The following NLRP3 variants were observed in gnomAD, a reference collection of about 807,000 sequenced individuals.
NLRP3 encodes NACHT, LRR and PYD domains-containing protein 3.
NLRP3 carries 48 observed loss-of-function variants against 91.3 expected under a neutral mutation model. That is an observed-to-expected ratio of 0.53 (90% confidence interval 0.42 to 0.67). The LOEUF is 0.67. Among genes scored for constraint, NLRP3 ranks in the 30% least tolerant of loss-of-function variants. The pLI is 0.00. For synonymous variants in NLRP3, 561 were observed against 507.9 expected (o/e 1.10, Z -1.41); for missense variants, 982 against 1,276.9 (o/e 0.77, Z 3.52).
intron 7 of NLRP3, among the ~76,000 whole-genome samples, chr1:247,442,243 G>C (rs114936541): frequency 0.022 from 3,414 of 152,258 alleles, 125 homozygotes; most frequent in African/African-American, 0.077. Context: ...CTGGTCATCT[G>C]TTCATGCTTT....
intron 9 of NLRP3, among the ~76,000 whole-genome samples, chr1:247,445,907 T>G (rs1226449197): frequency 1.3e-5 from 2 of 152,218 alleles, no homozygotes; most frequent in Non-Finnish European, 2.9e-5. Context: ...TCATGATATG[T>G]GTGCTGTGGC....
intron 4 of NLRP3, among the ~76,000 whole-genome samples, chr1:247,429,026 G>T: frequency 6.6e-6 from 1 of 151,834 alleles, no homozygotes. Context: ...CCTAATAGCT[G>T]GGATGACAGG....
Position 247,429,631 on chromosome 1 carries a change from T to G in NLRP3, c.2197T>G (p.Ser733Ala). 6.2e-7 allele frequency: 1 copy of G among 1,614,196 alleles called. No homozygotes were observed. The highest frequency in any genetic ancestry group is 8.5e-7 in the Non-Finnish European group (1 of 1,180,022). The change falls in exon 5 of 10, where the codon TCA (serine) becomes GCA (alanine). Residue 733 changes from serine (S) to alanine (A), a missense_variant. Physicochemically the swap from Ser to Ala is moderately conservative, Grantham distance 99. Coordinates refer to ENST00000336119, the MANE Select transcript of NLRP3 (RefSeq NM_001243133.2). The part of the protein sequence containing the change: ...LTSSFCRGLF[S>A]VLSTSQSLTE... Reference sequence around the variant, plus strand: ...TTCCAGTTTTTGCCGGGGCCTCTTTTCAGTTCTGAGCACCAGCCAGAGTCT... The same window carrying G: ...TTCCAGTTTTTGCCGGGGCCTCTTTGCAGTTCTGAGCACCAGCCAGAGTCT...
In NLRP3 at chr1:247,448,441, T is replaced by C. The variant is rs1057515489; in HGVS notation, c.3042T>C (p.Ser1014=). The C allele has an allele frequency of 6.2e-7, 1 of 1,613,478 alleles. No homozygotes were observed. The highest frequency in any genetic ancestry group is 8.5e-7 in the Non-Finnish European group (1 of 1,179,424). The change falls in exon 10 of 10, where the codon AGT becomes AGC. Residue 1014 remains serine, a synonymous_variant. Transcript: ENST00000336119. ...TGTATTTCAATTATGAGACAAAAAGTGCGTTAGAAACACTTCAAGAAGAAA... is the reference window on the plus strand; with the variant it reads ...TGTATTTCAATTATGAGACAAAAAGCGCGTTAGAAACACTTCAAGAAGAAA... ...SEMYFNYETK[S]ALETLQEEKP...
rs770791406 is a variant in NLRP3, at chr1:247,429,707, T to C, written c.2273T>C (p.Val758Ala). Residue 758 changes from valine to alanine, a missense_variant, in exon 5 of 10, where the codon GTG becomes GCG. Around this residue, in one of 5 missense-constraint regions of NLRP3, gnomAD observed 373 missense variants for 431.5 expected, o/e 0.86. Coordinates refer to ENST00000336119, the MANE Select transcript of NLRP3 (RefSeq NM_001243133.2). ...DNSLGDPGMR[V>A]LCETLQHPGC... The stretch of plus-strand genomic sequence containing the variant: ...TCTCTGGGGGACCCAGGGATGAGAG[T>C]GTTGTGTGAAACGCTCCAGCATCCT... 17 of 1,613,750 alleles carry C rather than the reference T, an allele frequency of 1.1e-5. No individual in the cohort carries two copies. The Admixed American group carries it at 2.8e-4, about 27-fold the overall frequency.
rs765108346 is a variant in NLRP3 at position 247,425,603 on chromosome 1, A to G, written c.2150+4A>G. 6 of 1,603,606 alleles carry G rather than the reference A, an allele frequency of 3.7e-6. No homozygotes were observed. The East Asian group carries it at 8.9e-5, about 24-fold the overall frequency. On this transcript the variant is annotated splice_donor_region_variant and intron_variant, in intron 4 of 9. Coordinates refer to ENST00000336119, the MANE Select transcript of NLRP3 (RefSeq NM_001243133.2). The surrounding 1 kb of genome is among the most constrained non-coding windows in gnomAD (Gnocchi z 4.1). ...CTCATGCTGCCTGTTCTCATGGGTA[A>G]GGAAACTCGGCTTCCAGGTGCTTCC...
At chr1:247,447,763 T>C (rs954180836) in intron 9 of NLRP3, among the ~76,000 whole-genome samples, 2 of 152,222 alleles carry the variant, frequency 1.3e-5, no homozygotes, top group African/African-American at 4.8e-5. Flanking sequence ...AGTGACATTG[T>C]AATTATATTT....
At chr1:247,435,674 G>A (rs1037083544) in intron 6 of NLRP3, among the ~76,000 whole-genome samples, 1 of 152,138 alleles carries the variant, frequency 6.6e-6, no homozygotes, top group Admixed American at 6.5e-5. Flanking sequence ...AGTGCTTAAG[G>A]CCATTAATTG....
At chr1:247,443,575 AG>A (rs60823583) in intron 7 of NLRP3, among the ~76,000 whole-genome samples, 53,563 of 146,704 alleles carry the variant, frequency 0.37, 10,251 homozygotes, top group Middle Eastern at 0.56. Flanking sequence ...AAAAAAAAAA[AG>A]GCCCCTGCAG....
At chr1:247,441,159 CTTT>C (rs1399547887) in intron 7 of NLRP3, among the ~76,000 whole-genome samples, 1 of 140,890 alleles carries the variant, frequency 7.1e-6, no homozygotes, top group Non-Finnish European at 1.5e-5. Context: ...CTCTCTCTCT[CTTT>C]CTTTCTTTCT....
intron 9 of NLRP3, among the ~76,000 whole-genome samples, chr1:247,448,025 T>TC (rs1365873291): frequency 3.3e-5 from 5 of 150,988 alleles, no homozygotes; most frequent in African/African-American, 4.9e-5. Flanking sequence ...TTTTTTTTTT[T>TC]CCCCACATTT....
At position 247,419,164 on chromosome 1, in the gene NLRP3, A is replaced by ATATTTTTT. The variant is rs1491303088; in HGVS notation, c.277+88_277+89insATTTTTTT. ...CATCTTTATATATATATATATATAT[A>ATATTTTTT]TTTTTTTTTGAGACGGAGTTGCTCT... On this transcript the variant is annotated intron_variant, in intron 2 of 9. Transcript: ENST00000336119. The ATATTTTTT allele has an allele frequency of 8.7e-6, 6 of 692,532 alleles. No homozygotes were observed. In the African/African-American group the frequency reaches 1.1e-4, roughly 12 times the overall value. 42.9% of individuals were successfully genotyped at this position (692,532 alleles called of 1,614,324 possible). A position where few individuals can be genotyped will look rare whatever the true frequency, so the allele number is the denominator to read the frequency against.
chr1:247,424,329 A>G lies in NLRP3; in HGVS notation c.880A>G (p.Arg294Gly), dbSNP rs752918797. The change falls in exon 4 of 10, where the codon AGA becomes GGA. Residue 294 changes from arginine to glycine, a missense_variant. Arg to Gly is a moderately radical substitution (Grantham distance 125). Coordinates refer to ENST00000336119, the MANE Select transcript of NLRP3 (RefSeq NM_001243133.2). This position sits in a 1 kb window ranked among gnomAD's most constrained non-coding sequence, Gnocchi z 8.1. ...CCACAAGATCGTGAGAAAACCCTCCAGAATCCTCTTCCTCATGGACGGCTT... is the reference window on the plus strand; with the variant it reads ...CCACAAGATCGTGAGAAAACCCTCCGGAATCCTCTTCCTCATGGACGGCTT... ...PIHKIVRKPS[R>G]ILFLMDGFDE... The G allele has an allele frequency of 3.1e-6, 5 of 1,613,012 alleles. No homozygotes were observed. In the African/African-American group the frequency reaches 5.4e-5, roughly 17 times the overall value.
rs1398836244 is a variant in NLRP3, at chr1:247,425,919, T to A, written c.2150+320T>A. ...ATTTCTTGTAAGCTACTTGGAGCAC[T>A]AGTGCCTAAGAGTCAGTCAATGTCT... On this transcript the variant is annotated intron_variant, in intron 4 of 9. Transcript: ENST00000336119. The surrounding 1 kb of genome is among the most constrained non-coding windows in gnomAD (Gnocchi z 4.1). 2 of 380,980 alleles carry A rather than the reference T, an allele frequency of 5.2e-6. No individual in the cohort carries two copies. Among genetic ancestry groups the A allele is most frequent in the African/African-American group, 4.2e-5 (2 of 48,042 alleles). 23.6% of individuals were successfully genotyped at this position (380,980 alleles called of 1,614,324 possible).
chr1:247,424,115 C>T lies in NLRP3; in HGVS notation c.666C>T (p.Phe222=). 1.2e-6 allele frequency: 2 copies of T among 1,614,064 alleles called. No homozygotes were observed. The highest frequency in any genetic ancestry group is 1.7e-6 in the Non-Finnish European group (2 of 1,180,018). Residue 222 remains phenylalanine, a synonymous_variant, in exon 4 of 10, where the codon TTC becomes TTT. Transcript: ENST00000336119. The surrounding 1 kb of genome is among the most constrained non-coding windows in gnomAD (Gnocchi z 8.1). Reference sequence around the variant, plus strand: ...CTGAGCCTGTGCACACCGTGGTGTTCCAGGGGGCGGCAGGGATTGGGAAAA... The same window carrying T: ...CTGAGCCTGTGCACACCGTGGTGTTTCAGGGGGCGGCAGGGATTGGGAAAA... ...EHSEPVHTVV[F]QGAAGIGKTI... is the part of the protein sequence containing the mutation.
At chr1:247,421,350 A>G (rs1662445051) in intron 2 of NLRP3, among the ~76,000 whole-genome samples, 1 of 151,994 alleles carries the variant, frequency 6.6e-6, no homozygotes, top group South Asian at 2.1e-4. Flanking sequence ...AGTTGCTGCA[A>G]TGGCTCTCAC....
At chr1:247,429,870 C>CTTTTTCTT in intron 5 of NLRP3, 115 bp downstream of exon 5, 2 of 1,362,048 alleles carry the variant, frequency 1.5e-6, no homozygotes, top group South Asian at 1.2e-5. Flanking sequence ...TCTTTCTTTT[C>CTTTTTCTT]TTTTTCTTTT....
rs1411873745 is a variant in NLRP3, at chr1:247,424,847, G to C, written c.1398G>C (p.Gly466=). The C allele has an allele frequency of 6.2e-7, 1 of 1,608,096 alleles. No individual in the cohort carries two copies. The highest frequency in any genetic ancestry group is 8.5e-7 in the Non-Finnish European group (1 of 1,179,992). Residue 466 remains glycine, a synonymous_variant, in exon 4 of 10, where the codon GGG becomes GGC. Coordinates refer to ENST00000336119, the MANE Select transcript of NLRP3 (RefSeq NM_001243133.2). The surrounding 1 kb of genome is among the most constrained non-coding windows in gnomAD (Gnocchi z 8.1). ...QEHGLCAHLW[G]LCSLAADGIW... is the part of the protein sequence containing the mutation. ...ACGGCCTCTGCGCCCACCTCTGGGGGCTCTGCTCTTTGGCTGCAGATGGAA... is the reference window on the plus strand; with the variant it reads ...ACGGCCTCTGCGCCCACCTCTGGGGCCTCTGCTCTTTGGCTGCAGATGGAA...
intron 4 of NLRP3, 145 bp from the exon 5 acceptor site, chr1:247,429,440 G>A: frequency 1.2e-6 from 1 of 856,976 alleles, no homozygotes; most frequent in Non-Finnish European, 2.0e-6. Flanking sequence ...TCATTTCTCT[G>A]GGAACAATTT....
Sources: gnomAD v4.1 joint callset for allele counts (sites outside exome capture counted in the v4.1 genomes callset) on GRCh38, gnomAD v4.1.1 for gene constraint, gnomAD v4.1.1 regional missense constraint, Gnocchi (gnomAD v3.1) non-coding constraint, MANE v1.5 for transcripts, NCBI Gene and HGNC (gene_info 2026-07-23, HGNC 2026-07-21) for gene names.